CHMP4B: variants seen among roughly 807,000 people sequenced by gnomAD.
CHMP4B encodes the protein SNF7 homolog associated with Alix 1.
A neutral mutation model predicts 25.1 loss-of-function variants in CHMP4B; 1 was observed. That is an observed-to-expected ratio of 0.04 (90% CI 0.01 to 0.19). The LOEUF (loss-of-function observed/expected upper bound fraction) is 0.19. CHMP4B is among the 10% of genes least tolerant of loss of function. The pLI is 1.00. For missense variants in CHMP4B, 151 were observed against 289.7 expected (o/e 0.52, Z 3.48); for synonymous variants, 101 against 115.6 (o/e 0.87, Z 0.81).
intron 1 of CHMP4B, among the ~76,000 whole-genome samples, chr20:33,843,890 A>G (rs927192989): frequency 2.0e-5 from 3 of 152,236 alleles, no homozygotes; most frequent in African/African-American, 7.2e-5. Flanking sequence ...TTACTCATGA[A>G]GCATGTTTAG....
At chr20:33,837,569 G>A (rs942381245) in intron 1 of CHMP4B, among the ~76,000 whole-genome samples, 9 of 152,120 alleles carry the variant, frequency 5.9e-5, no homozygotes, top group African/African-American at 1.2e-4. Flanking sequence ...GTAAGGAGAC[G>A]GAGGGTGAAG....
intron 1 of CHMP4B, 50 bp from the exon 2 acceptor site, chr20:33,848,417 C>A (rs1979746736): frequency 1.9e-6 from 3 of 1,597,304 alleles, no homozygotes; most frequent in East Asian, 4.5e-5. Context: ...GACACTAGAA[C>A]CTCACCCTGT....
intron 1 of CHMP4B, among the ~76,000 whole-genome samples, chr20:33,847,436 C>T (rs1036177377): frequency 5.3e-5 from 8 of 152,140 alleles, no homozygotes; most frequent in African/African-American, 1.9e-4. Flanking sequence ...TGTGCCCCAA[C>T]ATCATCTAAG....
intron 1 of CHMP4B, among the ~76,000 whole-genome samples, chr20:33,834,985 C>A (rs951592831): frequency 9.2e-5 from 14 of 151,926 alleles, no homozygotes; most frequent in Admixed American, 3.3e-4. Flanking sequence ...GTAGTAGAGA[C>A]GAGTTTCACC....
chr20:33,835,283 T>G (rs2122800111), intron 1 of CHMP4B, among the ~76,000 whole-genome samples: 1 of 152,372 alleles, frequency 6.6e-6, no homozygotes, highest in African/African-American at 2.4e-5. Context: ...TTTTGAGCAC[T>G]TTTAATATGA....
chr20:33,827,339 T>C (rs932748884), intron 1 of CHMP4B, among the ~76,000 whole-genome samples: 1 of 152,242 alleles, frequency 6.6e-6, no homozygotes, highest in Non-Finnish European at 1.5e-5. Context: ...AGTCAACAAG[T>C]GCCACATTAC....
chr20:33,824,243 T>C (rs954854538), intron 1 of CHMP4B, among the ~76,000 whole-genome samples: 6 of 152,162 alleles, frequency 3.9e-5, no homozygotes, highest in African/African-American at 1.4e-4. Context: ...CTCAAAACAA[T>C]TAAATTGTGA....
intron 1 of CHMP4B, among the ~76,000 whole-genome samples, chr20:33,829,735 A>T (rs751649909): frequency 3.9e-5 from 6 of 152,250 alleles, no homozygotes; most frequent in Non-Finnish European, 7.3e-5. Flanking sequence ...GAGTAGACAC[A>T]TGGTGATCCC....
chr20:33,851,455 C>A (rs1236528755), intron 3 of CHMP4B, among the ~76,000 whole-genome samples: 1 of 152,140 alleles, frequency 6.6e-6, no homozygotes, highest in African/African-American at 2.4e-5. Flanking sequence ...GGGGCACTTA[C>A]CCCTGACCCG....
intron 3 of CHMP4B, 125 bp from the exon 4 acceptor site, chr20:33,851,952 A>C (rs961852438): frequency 7.8e-7 from 1 of 1,288,786 alleles, no homozygotes; most frequent in Non-Finnish European, 1.1e-6. Flanking sequence ...GGAACCTGGA[A>C]TTCACCTCCC....
At chr20:33,852,257 G>A (rs1426371688) in intron 4 of CHMP4B, 54 bp downstream of exon 4, 1 of 1,609,890 alleles carries the variant, frequency 6.2e-7, no homozygotes, top group Non-Finnish European at 8.5e-7. Flanking sequence ...AGGTGATCTT[G>A]TGGTCGGTTG....
Position 33,838,119 on chromosome 20 carries a change from C to T in CHMP4B, c.191-10348C>T, listed in dbSNP as rs376072464. On this transcript the variant is annotated intron_variant, in intron 1 of 4. Transcript: ENST00000217402. Reference sequence around the variant, plus strand: ...TGTGTCTAGATACAAGTCTCCTGTTCGGGCACCTGGCTTGGATTCCTCCTT... The same window carrying T: ...TGTGTCTAGATACAAGTCTCCTGTTTGGGCACCTGGCTTGGATTCCTCCTT... 7.1e-4 allele frequency among the ~76,000 whole-genome samples: 108 copies of T among 152,296 alleles called. 1 individual carries two copies. In the East Asian group the frequency reaches 0.014, roughly 19 times the overall value.
chr20:33,848,681 C>T, intron 2 of CHMP4B, 37 bp downstream of exon 2: 2 of 1,611,452 alleles, frequency 1.2e-6, no homozygotes, highest in Non-Finnish European at 1.7e-6. Flanking sequence ...CAGGGCAGTG[C>T]TAGTCCCGGA....
At chr20:33,848,216 G>C (rs1411899868) in intron 1 of CHMP4B, among the ~76,000 whole-genome samples, 5 of 152,162 alleles carry the variant, frequency 3.3e-5, no homozygotes, top group Admixed American at 3.3e-4. Context: ...GCTTTGATTT[G>C]TGTGTGTGCG....
chr20:33,837,147 G>A (rs970484521), intron 1 of CHMP4B, among the ~76,000 whole-genome samples: 3 of 152,120 alleles, frequency 2.0e-5, no homozygotes, highest in Non-Finnish European at 4.4e-5. Context: ...GGCCGGGCGC[G>A]GTGGCTCACT....
intron 1 of CHMP4B, among the ~76,000 whole-genome samples, chr20:33,836,971 C>T (rs1029321029): frequency 6.6e-6 from 1 of 152,178 alleles, no homozygotes; most frequent in African/African-American, 2.4e-5. Flanking sequence ...TGAATCCTGA[C>T]TCTGCTGGTT....
chr20:33,811,400 C>A lies in CHMP4B; in HGVS notation c.-69C>A. 7.8e-7 allele frequency: 1 copy of A among 1,281,048 alleles called. No individual in the cohort carries two copies. The highest frequency in any genetic ancestry group is 1.0e-6 in the Non-Finnish European group (1 of 1,004,850). 79.4% of individuals were successfully genotyped at this position (1,281,048 alleles called of 1,614,324 possible). A position where few individuals can be genotyped will look rare whatever the true frequency, so the allele number is the denominator to read the frequency against. ...CGGGACTGGGAGCGGGCGCCGGAGC[C>A]GACCCGAGCCGAGCCGAGCCGAGCC... is the stretch of plus-strand genomic sequence containing the variant. On this transcript the variant is annotated 5_prime_UTR_variant, in exon 1 of 5. Coordinates refer to ENST00000217402, the MANE Select transcript of CHMP4B (RefSeq NM_176812.5).
intron 1 of CHMP4B, among the ~76,000 whole-genome samples, chr20:33,821,127 C>G (rs1978927669): frequency 1.3e-5 from 2 of 152,160 alleles, no homozygotes; most frequent in Non-Finnish European, 1.5e-5. Flanking sequence ...TGGCTCACGC[C>G]TGTAATCCCA....
intron 1 of CHMP4B, among the ~76,000 whole-genome samples, chr20:33,843,771 G>A (rs559616123): frequency 2.6e-5 from 4 of 152,260 alleles, no homozygotes; most frequent in African/African-American, 7.2e-5. Context: ...CCTCACCACC[G>A]GAGCCATGCA....
Sources: gnomAD v4.1 joint callset for allele counts (sites outside exome capture counted in the v4.1 genomes callset) on GRCh38, gnomAD v4.1.1 for gene constraint, MANE v1.5 for transcripts, NCBI Gene and HGNC (gene_info 2026-07-23, HGNC 2026-07-21) for gene names.